The following LRP1B variants were observed in gnomAD, a reference collection of about 807,000 sequenced individuals.
The protein encoded by LRP1B is low-density lipoprotein receptor-related protein 1B.
LRP1B carries 217 observed loss-of-function variants against 556.6 expected under a neutral mutation model. That is an observed-to-expected ratio of 0.39 (90% confidence interval 0.35 to 0.44). LRP1B has a LOEUF of 0.44. LRP1B is among the 20% of genes least tolerant of loss of function. The pLI, the probability that LRP1B is intolerant of heterozygous loss-of-function variation, is 1.00. For missense variants in LRP1B, 5,053 were observed against 5,620.8 expected, an observed-to-expected ratio of 0.90 and a Z score of 3.23; for synonymous variants, 2,047 against 1,865.8, an observed-to-expected ratio of 1.10 and a Z score of -2.50.
chr2:141,032,369 G>T (rs1698397619), intron 11 of LRP1B, among the ~76,000 whole-genome samples: 1 of 151,976 alleles, frequency 6.6e-6, no homozygotes, highest in Admixed American at 6.6e-5. Flanking sequence ...ACTAATTGTG[G>T]AATTGGTTTG....
intron 20 of LRP1B, among the ~76,000 whole-genome samples, chr2:140,929,967 C>T (rs986264294): frequency 1.1e-4 from 16 of 152,078 alleles, no homozygotes; most frequent in African/African-American, 3.6e-4. Flanking sequence ...GACCTTCTCG[C>T]CAAATTTGAA....
intron 83 of LRP1B, among the ~76,000 whole-genome samples, chr2:140,301,881 ATGTG>A (rs888024082): frequency 5.9e-5 from 9 of 151,852 alleles, no homozygotes; most frequent in Admixed American, 2.0e-4. Flanking sequence ...GTGTGCATGT[ATGTG>A]TATGTGTGTG....
chr2:141,987,471 G>A (rs1194486316), intron 1 of LRP1B, among the ~76,000 whole-genome samples: 1 of 151,242 alleles, frequency 6.6e-6, no homozygotes, highest in Non-Finnish European at 1.5e-5. Flanking sequence ...CAGTGCTTCT[G>A]TCTCTGGCTG....
chr2:140,526,746 C>G (rs929587571), intron 47 of LRP1B, among the ~76,000 whole-genome samples: 1 of 151,138 alleles, frequency 6.6e-6, no homozygotes, highest in Non-Finnish European at 1.5e-5. Flanking sequence ...CTCTTTCCAC[C>G]TTCAACATTC....
chr2:140,632,119 A>T (rs751940025), intron 41 of LRP1B, among the ~76,000 whole-genome samples: 8 of 152,248 alleles, frequency 5.3e-5, no homozygotes, highest in Non-Finnish European at 1.0e-4. Context: ...GAAATTGAGA[A>T]TAATCCTGCC....
At chr2:140,274,777 T>G (rs1048999689) in intron 84 of LRP1B, among the ~76,000 whole-genome samples, 179 bp from the exon 85 acceptor site, 7 of 141,106 alleles carry the variant, frequency 5.0e-5, no homozygotes, top group Admixed American at 4.6e-4. Flanking sequence ...TTCTCCTCTT[T>G]GAATTAGGCA....
Position 141,153,553 on chromosome 2 carries a change from CTA to C in LRP1B, c.1013+34866_1013+34867del, listed in dbSNP as rs375976151. Among the ~76,000 whole-genome samples the C allele has an allele frequency of 4.2e-5, 5 of 118,944 alleles. 1 individual carries two copies. Among genetic ancestry groups the C allele is most frequent in the African/African-American group, 1.6e-4 (5 of 31,600 alleles). The allele number at this position is 118,944 out of a possible 152,430, so 78.0% of individuals were successfully genotyped here. A position where few individuals can be genotyped will look rare whatever the true frequency, so the allele number is the denominator to read the frequency against. On this transcript the variant is annotated intron_variant, in intron 7 of 90. Coordinates refer to ENST00000389484, the MANE Select transcript of LRP1B (RefSeq NM_018557.3). ...TTATATATAATATATTATATATTAG[CTA>C]TATATATTTATATATAATAATATAT...
intron 83 of LRP1B, among the ~76,000 whole-genome samples, chr2:140,305,966 C>T (rs557962261): frequency 7.9e-5 from 12 of 151,314 alleles, no homozygotes; most frequent in Admixed American, 5.9e-4. Flanking sequence ...TATTGATTTG[C>T]GTATGTTAAA....
chr2:141,556,618 C>T lies in LRP1B; in HGVS notation c.206-76085G>A, dbSNP rs551369004. On this transcript the variant is annotated intron_variant, in intron 2 of 90. Transcript: ENST00000389484. The stretch of plus-strand genomic sequence containing the variant: ...ACTCCTTTATTAGATACAAATAGAT[C>T]CTTATATATTTATTAAACAAATATC... Among the ~76,000 whole-genome samples, 3 of 151,870 alleles carry T rather than the reference C, an allele frequency of 2.0e-5. 1 individual carries two copies. Among genetic ancestry groups the T allele is most frequent in the Admixed American group, 6.6e-5 (1 of 15,204 alleles).
intron 2 of LRP1B, among the ~76,000 whole-genome samples, chr2:141,645,322 A>G (rs1689513572): frequency 6.6e-6 from 1 of 152,114 alleles, no homozygotes; most frequent in South Asian, 2.1e-4. Flanking sequence ...TGGACTCCAC[A>G]CCATGCCTCA....
chr2:141,014,453 T>G (rs72975021), intron 13 of LRP1B, among the ~76,000 whole-genome samples: 11,463 of 152,104 alleles, frequency 0.075, 484 homozygotes, highest in Non-Finnish European at 0.081. Context: ...ATGTAGGATT[T>G]TAGAAGGGGA....
chr2:140,717,161 T>C (rs1687242573), intron 35 of LRP1B, among the ~76,000 whole-genome samples: 1 of 152,068 alleles, frequency 6.6e-6, no homozygotes, highest in Non-Finnish European at 1.5e-5. Context: ...AACCATGTTA[T>C]TTTGGACCAC....
intron 2 of LRP1B, among the ~76,000 whole-genome samples, chr2:141,690,919 G>A (rs7582357): frequency 6.6e-6 from 1 of 151,266 alleles, no homozygotes; most frequent in Non-Finnish European, 1.5e-5. Context: ...ATGAGGTACA[G>A]CATCAGGACC....
chr2:141,890,459 AT>A (rs1283674546), intron 1 of LRP1B, among the ~76,000 whole-genome samples: 1 of 150,554 alleles, frequency 6.6e-6, no homozygotes. Context: ...TAACAAAAAA[AT>A]GTCCTATTGA....
At chr2:142,086,106 G>A (rs187222123) in intron 1 of LRP1B, among the ~76,000 whole-genome samples, 248 of 152,272 alleles carry the variant, frequency 1.6e-3, no homozygotes, top group African/African-American at 5.7e-3. Flanking sequence ...ATAACTAACA[G>A]GGTACTTGGT....
chr2:141,850,352 T>C (rs1697805195), intron 1 of LRP1B, among the ~76,000 whole-genome samples: 1 of 151,778 alleles, frequency 6.6e-6, no homozygotes, highest in Non-Finnish European at 1.5e-5. Flanking sequence ...AAAATTCTTT[T>C]GTGATCTTTG....
chr2:140,915,968 C>T (rs1397633574), intron 21 of LRP1B, among the ~76,000 whole-genome samples: 2 of 151,876 alleles, frequency 1.3e-5, no homozygotes, highest in Non-Finnish European at 2.9e-5. Context: ...ACAGAGTTTG[C>T]AGTGAGCCGA....
rs1362668424 is a variant in LRP1B, at chr2:141,480,570, G to A, written c.206-37C>T. On this transcript the variant is annotated intron_variant, in intron 2 of 90. Coordinates refer to ENST00000389484, the MANE Select transcript of LRP1B (RefSeq NM_018557.3). The stretch of plus-strand genomic sequence containing the variant: ...TAAAAAAGAACAGAATTATGTGTTA[G>A]CTTTTCTAAATGGTAAAACTGTTAA... 2.5e-6 allele frequency: 4 copies of A among 1,608,524 alleles called. No individual in the cohort carries two copies. The East Asian group carries it at 6.7e-5, about 27-fold the overall frequency.
At chr2:140,895,874 T>G (rs1693939328) in intron 23 of LRP1B, among the ~76,000 whole-genome samples, 1 of 152,132 alleles carries the variant, frequency 6.6e-6, no homozygotes. Context: ...CAAGCTGTTT[T>G]TTTCTCTTCT....
Sources: allele counts gnomAD v4.1 joint callset (sites outside exome capture counted in the v4.1 genomes callset), GRCh38; gene constraint gnomAD v4.1.1; transcripts MANE v1.5; gene names NCBI Gene and HGNC (gene_info 2026-07-23, HGNC 2026-07-21).